The following COL23A1 variants were observed in gnomAD, a reference collection of about 807,000 sequenced individuals.
The protein encoded by COL23A1 is collagen type XXIII alpha 1 chain, also known as collagen alpha-1(XXIII) chain.
COL23A1 carries 97 observed loss-of-function variants against 99.3 expected under a neutral mutation model. The ratio of observed to expected loss-of-function variants is 0.98; its 90% CI spans 0.83 to 1.16. The LOEUF is 1.16. Among genes scored for constraint, COL23A1 ranks in the 50% most tolerant of loss-of-function variants. The pLI is 0.00. For missense variants in COL23A1, 762 were observed against 757.4 expected, an observed-to-expected ratio of 1.01 and a Z score of -0.07; for synonymous variants, 320 against 308.2, an observed-to-expected ratio of 1.04 and a Z score of -0.40.
intron 5 of COL23A1, among the ~76,000 whole-genome samples, chr5:178,277,013 G>A (rs1170014994): frequency 3.9e-5 from 6 of 152,174 alleles, no homozygotes; most frequent in Non-Finnish European, 8.8e-5. Context: ...TCTGTAGTGT[G>A]AGGGGCTGGA....
At chr5:178,344,941 G>C (rs1399645185) in intron 2 of COL23A1, 1 of 645,640 alleles carries the variant, frequency 1.5e-6, no homozygotes, top group Non-Finnish European at 2.9e-6. Context: ...CCAGAAAAGA[G>C]AAAGTGCCAG....
At chr5:178,240,518 G>A (rs1764337639) in intron 27 of COL23A1, among the ~76,000 whole-genome samples, 2 of 152,184 alleles carry the variant, frequency 1.3e-5, no homozygotes, top group Non-Finnish European at 2.9e-5. Flanking sequence ...CCCCTCTCCG[G>A]CCTCCGCACG....
intron 2 of COL23A1, among the ~76,000 whole-genome samples, chr5:178,540,102 G>A (rs1022953977): frequency 2.0e-5 from 3 of 152,090 alleles, no homozygotes; most frequent in African/African-American, 7.2e-5. Flanking sequence ...TATTTCCTCT[G>A]AGTTCAGTTA....
chr5:178,565,317 ACT>A (rs1450239482), intron 1 of COL23A1, among the ~76,000 whole-genome samples: 2 of 152,124 alleles, frequency 1.3e-5, no homozygotes, highest in Admixed American at 6.5e-5. Context: ...GGAGCGACAG[ACT>A]CTGTCTCCTC....
chr5:178,417,403 G>A (rs1765370089), intron 2 of COL23A1, among the ~76,000 whole-genome samples: 1 of 152,176 alleles, frequency 6.6e-6, no homozygotes, highest in Non-Finnish European at 1.5e-5. Flanking sequence ...TACCTCGCCA[G>A]TATTTTTACA....
At position 178,454,447 on chromosome 5, in the gene COL23A1, C is replaced by A. The variant is rs566125310; in HGVS notation, c.361+106235G>T. On this transcript the variant is annotated intron_variant, in intron 2 of 28. Transcript: ENST00000390654. ...CAGGAACAGGATGTGCATTGCTCTC[C>A]AGTGAGGTGATGCCAGGTGGGTGGG... Among the ~76,000 whole-genome samples, 13 of 152,286 alleles carry A rather than the reference C, an allele frequency of 8.5e-5. 1 individual carries two copies. In the South Asian group the frequency reaches 2.7e-3, roughly 32 times the overall value.
At chr5:178,352,227 G>C (rs995668128) in intron 2 of COL23A1, 2 of 152,236 alleles carry the variant, frequency 1.3e-5, no homozygotes, top group African/African-American at 4.8e-5. Context: ...GCGGTTCTGT[G>C]ACTGGATCAA....
chr5:178,464,824 T>C (rs915560233), intron 2 of COL23A1, among the ~76,000 whole-genome samples: 5 of 152,206 alleles, frequency 3.3e-5, no homozygotes, highest in Admixed American at 6.5e-5. Flanking sequence ...AACAATTCCA[T>C]GTGGCAGAGT....
At chr5:178,392,162 T>C (rs1264437407) in intron 2 of COL23A1, among the ~76,000 whole-genome samples, 3 of 152,014 alleles carry the variant, frequency 2.0e-5, no homozygotes, top group South Asian at 2.1e-4. Flanking sequence ...CCAAAATTTA[T>C]TGTGGTGTTG....
chr5:178,321,618 T>C lies in COL23A1; in HGVS notation c.362-14699A>G, dbSNP rs4438894. 7.3e-3 allele frequency among the ~76,000 whole-genome samples: 1,099 copies of C among 149,864 alleles called. 5 individuals carry two copies. Among genetic ancestry groups the C allele is most frequent in the Non-Finnish European group, 0.012 (825 of 67,718 alleles). On this transcript the variant is annotated intron_variant, in intron 2 of 28. Coordinates refer to ENST00000390654, the MANE Select transcript of COL23A1 (RefSeq NM_173465.4). ...CATTCTCCTGCCTCAGCCTCCCGAG[T>C]AGCTGGGACTACAGGCACCTGCCAC...
At chr5:178,258,980 A>C (rs1765487017) in intron 12 of COL23A1, among the ~76,000 whole-genome samples, 2 of 146,870 alleles carry the variant, frequency 1.4e-5, no homozygotes, top group Admixed American at 1.4e-4. Flanking sequence ...GCAGTGGCGC[A>C]ATCTCAGCTC....
intron 2 of COL23A1, among the ~76,000 whole-genome samples, chr5:178,421,103 C>G (rs574905753): frequency 6.6e-6 from 1 of 152,136 alleles, no homozygotes; most frequent in East Asian, 1.9e-4. Context: ...ATAGGCTGGT[C>G]TGGGGAAAAA....
intron 1 of COL23A1, among the ~76,000 whole-genome samples, chr5:178,566,386 A>G (rs1172463165): frequency 6.6e-6 from 1 of 152,220 alleles, no homozygotes; most frequent in Non-Finnish European, 1.5e-5. Flanking sequence ...TTACAAACCA[A>G]AAGTCAGGAT....
intron 2 of COL23A1, among the ~76,000 whole-genome samples, chr5:178,535,721 G>A (rs1259492878): frequency 6.6e-6 from 1 of 152,250 alleles, no homozygotes; most frequent in African/African-American, 2.4e-5. Flanking sequence ...TCTGAAGGGC[G>A]CCGTGTGCCC....
chr5:178,337,328 G>C (rs575919713), intron 2 of COL23A1, among the ~76,000 whole-genome samples: 114 of 152,376 alleles, frequency 7.5e-4, no homozygotes, highest in South Asian at 3.5e-3. Context: ...AGGTTCCCGT[G>C]GGAGTTGGAG....
At chr5:178,548,582 C>A (rs1761839097) in intron 2 of COL23A1, among the ~76,000 whole-genome samples, 1 of 147,118 alleles carries the variant, frequency 6.8e-6, no homozygotes, top group Admixed American at 6.8e-5. Flanking sequence ...GAGACAGAGT[C>A]TCATTCTGTC....
chr5:178,495,135 A>C (rs1758131690), intron 2 of COL23A1, among the ~76,000 whole-genome samples: 1 of 152,310 alleles, frequency 6.6e-6, no homozygotes, highest in South Asian at 2.1e-4. Context: ...GGTAGTTGTT[A>C]GACATCAGCC....
chr5:178,314,625 G>T (rs772685470), intron 2 of COL23A1, among the ~76,000 whole-genome samples: 9 of 152,166 alleles, frequency 5.9e-5, no homozygotes, highest in Non-Finnish European at 1.0e-4. Context: ...AACCACAGCG[G>T]CCTGCAACAG....
intron 2 of COL23A1, among the ~76,000 whole-genome samples, chr5:178,511,018 C>G (rs1186749765): frequency 1.3e-5 from 2 of 152,130 alleles, no homozygotes; most frequent in Non-Finnish European, 2.9e-5. Context: ...AGGATTAAAA[C>G]TCATATAGGC....
Sources: gnomAD v4.1 joint callset for allele counts (sites outside exome capture counted in the v4.1 genomes callset) on GRCh38, gnomAD v4.1.1 for gene constraint, MANE v1.5 for transcripts, NCBI Gene and HGNC (gene_info 2026-07-23, HGNC 2026-07-21) for gene names.